The following SOX6 variants were observed in gnomAD, a reference collection of about 807,000 sequenced individuals.
SOX6 encodes the protein transcription factor SOX-6.
A neutral mutation model predicts 97.8 loss-of-function variants in SOX6; 11 were observed. That is an observed-to-expected ratio of 0.11 (90% CI 0.07 to 0.19). SOX6 has a LOEUF of 0.19. Ranked by LOEUF, SOX6 falls within the 10% of genes least tolerant of loss-of-function variation. The probability of loss-of-function intolerance (pLI) is 1.00; values close to 1 mark genes in which losing one functional copy is unlikely to be tolerated. For synonymous variants in SOX6, 360 were observed against 371.4 expected, an observed-to-expected ratio of 0.97 and a Z score of 0.35; for missense variants, 810 against 1,039.5, an observed-to-expected ratio of 0.78 and a Z score of 3.04.
At chr11:16,528,985 T>C (rs1861204932) in intron 4 of SOX6, among the ~76,000 whole-genome samples, 1 of 152,020 alleles carries the variant, frequency 6.6e-6, no homozygotes, top group South Asian at 2.1e-4. Context: ...TTTTTAAAAA[T>C]CTAAAACCCA....
intron 3 of SOX6, among the ~76,000 whole-genome samples, chr11:16,250,026 T>G (rs1191238965): frequency 6.6e-6 from 1 of 152,192 alleles, no homozygotes; most frequent in Non-Finnish European, 1.5e-5. Flanking sequence ...TTGGCTTTCA[T>G]TTAGAGGCAG....
At chr11:16,106,486 A>T (rs755869065) in intron 7 of SOX6, among the ~76,000 whole-genome samples, 2 of 152,040 alleles carry the variant, frequency 1.3e-5, no homozygotes, top group Non-Finnish European at 2.9e-5. Flanking sequence ...GAATGGGGGA[A>T]GGGATAGTCT....
intron 4 of SOX6, among the ~76,000 whole-genome samples, chr11:16,483,347 T>C (rs115133230): frequency 0.024 from 3,628 of 149,996 alleles, 133 homozygotes; most frequent in African/African-American, 0.084. Context: ...AAGATAAATC[T>C]TTTTTTTTTC....
chr11:16,323,245 T>C (rs1020285895), intron 2 of SOX6, among the ~76,000 whole-genome samples: 8 of 151,802 alleles, frequency 5.3e-5, no homozygotes, highest in African/African-American at 1.9e-4. Flanking sequence ...AAGTACACAG[T>C]AGTATCAAAA....
chr11:16,460,150 C>T (rs1258658786), intron 1 of SOX6, among the ~76,000 whole-genome samples: 1 of 151,846 alleles, frequency 6.6e-6, no homozygotes, highest in African/African-American at 2.4e-5. Context: ...AACTAAAAGA[C>T]TATAAATCAA....
chr11:15,976,774 T>A (rs1364174908), intron 15 of SOX6, among the ~76,000 whole-genome samples: 1 of 152,198 alleles, frequency 6.6e-6, no homozygotes, highest in East Asian at 1.9e-4. Flanking sequence ...TGGTTCTGTA[T>A]AACCCTTTTT....
At chr11:16,514,890 G>A (rs1430215905) in intron 4 of SOX6, among the ~76,000 whole-genome samples, 1 of 151,518 alleles carries the variant, frequency 6.6e-6, no homozygotes, top group Non-Finnish European at 1.5e-5. Context: ...CATTTTTTAT[G>A]GCTGCATAGT....
At position 16,598,295 on chromosome 11, in the gene SOX6, G is replaced by A. The variant is rs1388680544; in HGVS notation, n.609+13786C>T. 2.0e-5 allele frequency among the ~76,000 whole-genome samples: 3 copies of A among 152,128 alleles called. No individual in the cohort carries two copies. In the South Asian group the frequency reaches 6.2e-4, roughly 32 times the overall value. On this transcript the variant is annotated intron_variant and non_coding_transcript_variant, in intron 4 of 5. Coordinates refer to the SOX6 transcript ENST00000524520. ...GGAGCTGACTTCTCATACACAGAAG[G>A]TTCAATGCCCATGGACCTAGTTGGA...
At chr11:16,069,501 A>G (rs1369848317) in intron 9 of SOX6, among the ~76,000 whole-genome samples, 1 of 152,144 alleles carries the variant, frequency 6.6e-6, no homozygotes, top group African/African-American at 2.4e-5. Flanking sequence ...CCTTACAAGT[A>G]CTCGTAAAGC....
chr11:16,610,554 G>A lies in SOX6; in HGVS notation n.609+1527C>T, dbSNP rs1329411647. Among the ~76,000 whole-genome samples, 1 of 152,168 alleles carries A rather than the reference G, an allele frequency of 6.6e-6. No individual in the cohort carries two copies. Among genetic ancestry groups the A allele is most frequent in the Non-Finnish European group, 1.5e-5 (1 of 68,026 alleles). On this transcript the variant is annotated intron_variant and non_coding_transcript_variant, in intron 4 of 5. Transcript: ENST00000524520. The surrounding 1 kb of genome is among the most constrained non-coding windows in gnomAD (Gnocchi z 4.4). ...AATACCCGGCCGCGATGAACCTTCC[G>A]AAAAGGAGCCGCAGGAACCCCTTTT...
chr11:16,562,194 T>C lies in SOX6; in HGVS notation n.609+49887A>G, dbSNP rs551602062. ...ATGGGGCAGAAGTACTTTTCCCCAT[T>C]CCTTCCCCAAAACACAACTAAAAAC... On this transcript the variant is annotated intron_variant and non_coding_transcript_variant, in intron 4 of 5. Coordinates refer to the SOX6 transcript ENST00000524520. Among the ~76,000 whole-genome samples, 4 of 152,214 alleles carry C rather than the reference T, an allele frequency of 2.6e-5. No homozygotes were observed. The South Asian group carries it at 8.3e-4, about 32-fold the overall frequency.
chr11:16,434,474 C>A (rs1859334423), intron 1 of SOX6: 1 of 152,182 alleles, frequency 6.6e-6, no homozygotes, highest in African/African-American at 2.4e-5. Flanking sequence ...TCTACTAATA[C>A]CTGACTCAAA....
At chr11:16,005,104 T>A (rs1854508466) in intron 13 of SOX6, among the ~76,000 whole-genome samples, 1 of 151,988 alleles carries the variant, frequency 6.6e-6, no homozygotes, top group Non-Finnish European at 1.5e-5. Context: ...GCTTAACTCA[T>A]ATGTGTTCCC....
At chr11:16,633,828 T>C (rs1415598768) in intron 3 of SOX6, among the ~76,000 whole-genome samples, 1 of 152,174 alleles carries the variant, frequency 6.6e-6, no homozygotes, top group Non-Finnish European at 1.5e-5. Context: ...GTTGAGCTGT[T>C]CCCAATCAAA....
chr11:16,173,994 T>C (rs1425817316), intron 6 of SOX6, among the ~76,000 whole-genome samples: 1 of 150,848 alleles, frequency 6.6e-6, no homozygotes, highest in African/African-American at 2.4e-5. Flanking sequence ...TACAGATGCA[T>C]GCCATCACAC....
Position 16,380,780 on chromosome 11 carries a change from A to G in SOX6, c.-4-39528T>C, listed in dbSNP as rs1332780565. On this transcript the variant is annotated intron_variant, in intron 1 of 15. Coordinates refer to the SOX6 transcript ENST00000396356. ...TCTATATGTGTCCATCTACTAATAG[A>G]TAGGTAGATATAGCAAAATAAGACA... Among the ~76,000 whole-genome samples the G allele has an allele frequency of 2.6e-5, 4 of 152,160 alleles. 1 individual carries two copies. The South Asian group carries it at 6.2e-4, about 24-fold the overall frequency.
chr11:16,000,734 G>A (rs574007735), intron 13 of SOX6, among the ~76,000 whole-genome samples: 634 of 152,014 alleles, frequency 4.2e-3, no homozygotes, highest in Middle Eastern at 0.031. Context: ...GTGTGTGCGC[G>A]CGTGCGCGTG....
intron 6 of SOX6, among the ~76,000 whole-genome samples, chr11:16,148,902 C>A (rs1056541813): frequency 6.6e-6 from 1 of 152,116 alleles, no homozygotes; most frequent in Non-Finnish European, 1.5e-5. Context: ...TTGTTTCTGG[C>A]ACAGATTTTA....
intron 4 of SOX6, among the ~76,000 whole-genome samples, chr11:16,500,865 G>T (rs1016925589): frequency 1.3e-5 from 2 of 152,122 alleles, no homozygotes; most frequent in African/African-American, 4.8e-5. Flanking sequence ...AATCAATATT[G>T]TGAAAATGGC....
Sources: allele counts gnomAD v4.1 joint callset (sites outside exome capture counted in the v4.1 genomes callset), GRCh38; gene constraint gnomAD v4.1.1; non-coding constraint Gnocchi (gnomAD v3.1); transcripts MANE v1.5; gene names NCBI Gene and HGNC (gene_info 2026-07-23, HGNC 2026-07-21).